Variants in HAVCR2 observed in about 807,000 individuals in gnomAD.
The protein encoded by HAVCR2 is hepatitis A virus cellular receptor 2, also known as T cell immunoglobulin mucin 3.
Under a neutral mutation model 24.7 loss-of-function variants are expected in HAVCR2, and 13 were observed. The observed-to-expected ratio is 0.53, with a 90% CI of 0.34 to 0.84. The LOEUF (loss-of-function observed/expected upper bound fraction) is 0.84. Among genes scored for constraint, HAVCR2 ranks in the 40% least tolerant of loss-of-function variants. The pLI is 0.01. For missense variants in HAVCR2, 343 were observed against 371.2 expected, an observed-to-expected ratio of 0.92 and a Z score of 0.62; for synonymous variants, 154 against 143.4, an observed-to-expected ratio of 1.07 and a Z score of -0.53.
intron 5 of HAVCR2, among the ~76,000 whole-genome samples, chr5:157,090,122 CTTTTTTTTT>C (rs869177923): frequency 1.7e-4 from 11 of 65,576 alleles, no homozygotes; most frequent in Non-Finnish European, 2.4e-4. Flanking sequence ...CTTTTCTTTT[CTTTTTTTTT>C]TTTTTTTTTT....
intron 5 of HAVCR2, among the ~76,000 whole-genome samples, chr5:157,093,182 G>A (rs764352283): frequency 2.6e-5 from 4 of 151,244 alleles, no homozygotes; most frequent in Non-Finnish European, 5.9e-5. Context: ...GGTAAGTGTG[G>A]GTGGGGTAGT....
chr5:157,107,766 T>TG (rs920460439), intron 1 of HAVCR2, among the ~76,000 whole-genome samples: 1 of 152,182 alleles, frequency 6.6e-6, no homozygotes, highest in African/African-American at 2.4e-5. Flanking sequence ...GCGGTCACCC[T>TG]GGCCAGACAC....
At chr5:157,101,587 G>C (rs956561962) in intron 3 of HAVCR2, among the ~76,000 whole-genome samples, 6 of 152,146 alleles carry the variant, frequency 3.9e-5, no homozygotes, top group Non-Finnish European at 8.8e-5. Context: ...GAGTCTGAGA[G>C]AGCCACTTTG....
At chr5:157,103,420 C>A (rs1270473517) in intron 3 of HAVCR2, among the ~76,000 whole-genome samples, 1 of 150,506 alleles carries the variant, frequency 6.6e-6, no homozygotes, top group Non-Finnish European at 1.5e-5. Flanking sequence ...GAAAGTGAGA[C>A]TAAATGACCC....
At chr5:157,107,684 C>T (rs1275353669) in intron 1 of HAVCR2, among the ~76,000 whole-genome samples, 1 of 152,140 alleles carries the variant, frequency 6.6e-6, no homozygotes, top group Non-Finnish European at 1.5e-5. Context: ...CTGCATACCT[C>T]CCCCATATTT....
chr5:157,089,987 C>G (rs150108629), intron 5 of HAVCR2, among the ~76,000 whole-genome samples: 7 of 152,056 alleles, frequency 4.6e-5, no homozygotes, highest in Non-Finnish European at 8.8e-5. Flanking sequence ...ACTACGTTAT[C>G]TCATCATTTC....
chr5:157,090,566 C>T (rs1386471046), intron 5 of HAVCR2, among the ~76,000 whole-genome samples: 11 of 152,046 alleles, frequency 7.2e-5, no homozygotes, highest in Non-Finnish European at 4.4e-5. Flanking sequence ...TGCACTCCAG[C>T]CTGGGTGAAT....
At chr5:157,091,733 T>C (rs980753232) in intron 5 of HAVCR2, among the ~76,000 whole-genome samples, 1 of 151,982 alleles carries the variant, frequency 6.6e-6, no homozygotes, top group Admixed American at 6.6e-5. Context: ...AAGAAAGGGA[T>C]AAAAAGAAGG....
chr5:157,104,611 TC>T, intron 3 of HAVCR2, 54 bp downstream of exon 3: 1 of 1,236,606 alleles, frequency 8.1e-7, no homozygotes, highest in South Asian at 1.3e-5. Context: ...ACATTCAAAA[TC>T]CTCTGAATTC....
intron 5 of HAVCR2, among the ~76,000 whole-genome samples, chr5:157,091,407 T>C (rs1199874423): frequency 6.6e-6 from 1 of 151,176 alleles, no homozygotes; most frequent in Non-Finnish European, 1.5e-5. Context: ...GATTGCACCA[T>C]TGCACTCCAG....
At chr5:157,101,654 A>G (rs1757168526) in intron 3 of HAVCR2, among the ~76,000 whole-genome samples, 2 of 152,170 alleles carry the variant, frequency 1.3e-5, no homozygotes, top group African/African-American at 4.8e-5. Flanking sequence ...GATCTACTCT[A>G]GAGCTGAGGA....
chr5:157,087,591 C>A (rs192340228), intron 6 of HAVCR2, among the ~76,000 whole-genome samples: 78 of 152,034 alleles, frequency 5.1e-4, no homozygotes, highest in African/African-American at 1.9e-3. Flanking sequence ...AAGATGTCTG[C>A]AATTATGTAC....
chr5:157,099,903 C>A (rs1174263339), intron 3 of HAVCR2, among the ~76,000 whole-genome samples: 2 of 152,146 alleles, frequency 1.3e-5, no homozygotes, highest in Non-Finnish European at 2.9e-5. Context: ...GCCATGTTGG[C>A]CAGGCTAGTC....
rs1339534389 is a variant in HAVCR2 at position 157,098,914 on chromosome 5, A to C, written c.479-13T>G. 1 of 1,591,084 alleles carries C rather than the reference A, an allele frequency of 6.3e-7. No individual in the cohort carries two copies. The highest frequency in any genetic ancestry group is 1.3e-5 in the African/African-American group (1 of 74,118). On this transcript the variant is annotated splice_polypyrimidine_tract_variant and intron_variant, in intron 3 of 6. Transcript: ENST00000307851. ...GTCTGTGTCTCTGCTATAAAAAGAG[A>C]GAGAGAGAGAGAGAGAGGAAAAATA... is the stretch of plus-strand genomic sequence containing the variant.
intron 3 of HAVCR2, among the ~76,000 whole-genome samples, chr5:157,099,399 T>A (rs539881519): frequency 1.3e-5 from 2 of 151,174 alleles, no homozygotes; most frequent in African/African-American, 4.9e-5. Flanking sequence ...TGGGACTACA[T>A]GCATGCACCA....
Position 157,106,879 on chromosome 5 carries a change from G to C in HAVCR2, c.142C>G (p.Leu48Val). The C allele has an allele frequency of 1.9e-6, 3 of 1,614,204 alleles. No homozygotes were observed. The highest frequency in any genetic ancestry group is 2.5e-6 in the Non-Finnish European group (3 of 1,180,034). ...CCTTTGCCCCAGCAGACGGGCACGA[G>C]GTTCCCTGGGGCGGCTGGGGTGTAG... The part of the protein sequence containing the change: ...CFYTPAAPGN[L>V]VPVCWGKGAC... Residue 48 changes from leucine to valine, a missense_variant, in exon 2 of 7, where the codon CTC (leucine) becomes GTC (valine). Transcript: ENST00000307851.
At chr5:157,104,848 T>A in intron 2 of HAVCR2, 99 bp from the exon 3 acceptor site, 1 of 809,626 alleles carries the variant, frequency 1.2e-6, no homozygotes, top group Non-Finnish European at 2.0e-6. Context: ...GAAAGACAAT[T>A]AAGAAAGAGA....
chr5:157,091,861 A>G (rs945567625), intron 5 of HAVCR2, among the ~76,000 whole-genome samples: 16 of 152,146 alleles, frequency 1.1e-4, no homozygotes, highest in Non-Finnish European at 2.4e-4. Context: ...CAGAGAGTAC[A>G]CTAGAAAGAT....
intron 4 of HAVCR2, 67 bp from the exon 5 acceptor site, chr5:157,095,526 A>T: frequency 1.3e-6 from 2 of 1,561,614 alleles, no homozygotes; most frequent in South Asian, 1.1e-5. Context: ...CAGCTTCAAG[A>T]TTTGTGAATT....
Sources: allele counts gnomAD v4.1 joint callset (sites outside exome capture counted in the v4.1 genomes callset), GRCh38; gene constraint gnomAD v4.1.1; transcripts MANE v1.5; gene names NCBI Gene and HGNC (gene_info 2026-07-23, HGNC 2026-07-21).